Variants in SMAP1 observed in about 807,000 individuals in gnomAD.
SMAP1 encodes the protein stromal membrane-associated protein 1.
In SMAP1, 24 loss-of-function variants were observed where a neutral mutation model predicts 58.5. The ratio of observed to expected loss-of-function variants is 0.41; its 90% confidence interval spans 0.30 to 0.58. The LOEUF (loss-of-function observed/expected upper bound fraction) is 0.58, where lower values mean the gene tolerates loss of function less well. SMAP1 is among the 20% of genes least tolerant of loss of function. SMAP1 has a pLI of 0.29. For synonymous variants in SMAP1, 216 were observed against 196.6 expected (o/e 1.10, Z -0.82); for missense variants, 563 against 566.3 (o/e 0.99, Z 0.06).
chr6:70,682,523 T>C (rs1233513523), intron 1 of SMAP1, among the ~76,000 whole-genome samples: 3 of 152,202 alleles, frequency 2.0e-5, no homozygotes, highest in Non-Finnish European at 4.4e-5. Context: ...GTAAATGTTT[T>C]AAAATAATTT....
chr6:70,742,004 A>T (rs927027467), intron 2 of SMAP1, among the ~76,000 whole-genome samples: 3 of 152,212 alleles, frequency 2.0e-5, no homozygotes. Flanking sequence ...TAGGCTGCAC[A>T]CAGCAGGGGG....
intron 4 of SMAP1, among the ~76,000 whole-genome samples, chr6:70,773,800 T>C (rs1331445332): frequency 6.6e-6 from 1 of 152,144 alleles, no homozygotes; most frequent in Non-Finnish European, 1.5e-5. Context: ...GGTTGGTCCA[T>C]TGAGAAATGA....
At chr6:70,856,691 T>A in intron 8 of SMAP1, 168 bp from the exon 9 acceptor site, 1 of 558,644 alleles carries the variant, frequency 1.8e-6, no homozygotes, top group Non-Finnish European at 3.0e-6. Context: ...ATTGTAGATG[T>A]TTTTATATGG....
rs1225337694 is a variant in SMAP1, at chr6:70,861,620, T to C, written c.*1286T>C. On this transcript the variant is annotated 3_prime_UTR_variant, in exon 11 of 11. Coordinates refer to ENST00000370455, the MANE Select transcript of SMAP1 (RefSeq NM_001044305.3). ...TAAACTCCAAACATCCTCTTCCATA[T>C]GGATCCACTGGCTGGACAAACTGCA... is the stretch of plus-strand genomic sequence containing the variant. The C allele has an allele frequency of 1.3e-6, 2 of 1,563,586 alleles. No homozygotes were observed. Among genetic ancestry groups the C allele is most frequent in the East Asian group, 2.2e-5 (1 of 44,554 alleles).
At chr6:70,827,724 G>A (rs147495832) in intron 6 of SMAP1, among the ~76,000 whole-genome samples, 1 of 152,240 alleles carries the variant, frequency 6.6e-6, no homozygotes, top group African/African-American at 2.4e-5. Context: ...AGGCTGCTCC[G>A]ACTTCTGCAA....
intron 6 of SMAP1, among the ~76,000 whole-genome samples, chr6:70,808,706 G>T (rs111902037): frequency 2.0e-5 from 3 of 152,242 alleles, no homozygotes; most frequent in African/African-American, 7.2e-5. Context: ...TCATCTAACA[G>T]TATCCTTAAA....
intron 7 of SMAP1, among the ~76,000 whole-genome samples, chr6:70,843,781 A>T (rs1770887255): frequency 6.6e-6 from 1 of 152,046 alleles, no homozygotes; most frequent in African/African-American, 2.4e-5. Flanking sequence ...GGAAATAGGA[A>T]CTCTTCTGTA....
chr6:70,739,549 T>C (rs899912799), intron 2 of SMAP1, among the ~76,000 whole-genome samples: 3 of 152,174 alleles, frequency 2.0e-5, no homozygotes, highest in Non-Finnish European at 4.4e-5. Flanking sequence ...AGTGAGTTTC[T>C]TTTAGACCAA....
At chr6:70,749,612 C>A (rs985468098) in intron 2 of SMAP1, among the ~76,000 whole-genome samples, 22 of 150,156 alleles carry the variant, frequency 1.5e-4, no homozygotes, top group African/African-American at 4.9e-5. Flanking sequence ...AAAAAAACAA[C>A]AACCAGTAAA....
chr6:70,771,684 C>T (rs1167080956), intron 3 of SMAP1, among the ~76,000 whole-genome samples: 1 of 152,154 alleles, frequency 6.6e-6, no homozygotes, highest in Admixed American at 6.5e-5. Flanking sequence ...AAAGGGAACT[C>T]CCTGTCCCTT....
chr6:70,771,367 AGG>A (rs144283794), intron 3 of SMAP1, among the ~76,000 whole-genome samples: 25,146 of 152,136 alleles, frequency 0.17, 3,222 homozygotes, highest in East Asian at 0.55. Flanking sequence ...GAGCCTACAG[AGG>A]CCGGCAGGCC....
At chr6:70,787,350 A>G (rs1271565556) in intron 4 of SMAP1, among the ~76,000 whole-genome samples, 1 of 152,244 alleles carries the variant, frequency 6.6e-6, no homozygotes. Context: ...AAAGCCCTAG[A>G]AGAAAACCTA....
intron 1 of SMAP1, among the ~76,000 whole-genome samples, chr6:70,704,777 T>C (rs1767770326): frequency 1.3e-5 from 2 of 152,220 alleles, no homozygotes; most frequent in Admixed American, 1.3e-4. Flanking sequence ...AAGAAAGTAG[T>C]TGGACTCTGC....
Position 70,667,957 on chromosome 6 carries a change from T to G in SMAP1, c.-67T>G, listed in dbSNP as rs1766093711. The G allele has an allele frequency of 2.8e-6, 4 of 1,419,340 alleles. No individual in the cohort carries two copies. Among genetic ancestry groups the G allele is most frequent in the Non-Finnish European group, 2.9e-6 (3 of 1,045,870 alleles). The allele number at this position is 1,419,340 out of a possible 1,614,324, so 87.9% of individuals were successfully genotyped here. On this transcript the variant is annotated 5_prime_UTR_variant, in exon 1 of 11. Coordinates refer to ENST00000370455, the MANE Select transcript of SMAP1 (RefSeq NM_001044305.3). ...TCCCGGCGGCGCCAGGTGCGTTCAC[T>G]CTGCCCGGCTCCAGCCAGCGTCCGC...
chr6:70,747,978 G>A (rs992795753), intron 2 of SMAP1, among the ~76,000 whole-genome samples: 1 of 152,024 alleles, frequency 6.6e-6, no homozygotes, highest in Non-Finnish European at 1.5e-5. Flanking sequence ...TTAAAACAGA[G>A]AACAGCTTCC....
chr6:70,685,916 AT>A (rs916533928), intron 1 of SMAP1, among the ~76,000 whole-genome samples: 2 of 151,820 alleles, frequency 1.3e-5, no homozygotes, highest in Non-Finnish European at 2.9e-5. Flanking sequence ...ATTTTATTTT[AT>A]TTTTTTAACA....
chr6:70,831,803 A>G (rs956122877), intron 6 of SMAP1, among the ~76,000 whole-genome samples: 18 of 152,210 alleles, frequency 1.2e-4, no homozygotes, highest in African/African-American at 4.3e-4. Flanking sequence ...TTGTTGGGTC[A>G]AATGGTAATT....
chr6:70,718,649 G>T (rs748291411), intron 1 of SMAP1, among the ~76,000 whole-genome samples: 2 of 151,764 alleles, frequency 1.3e-5, no homozygotes, highest in African/African-American at 4.8e-5. Context: ...ATCCAATCCC[G>T]TCTCTGCTAA....
At chr6:70,772,027 G>A (rs969046684) in intron 3 of SMAP1, among the ~76,000 whole-genome samples, 11 of 152,132 alleles carry the variant, frequency 7.2e-5, no homozygotes, top group Non-Finnish European at 1.3e-4. Context: ...ATTGCAGGGT[G>A]CACTTACATA....
Sources: allele counts gnomAD v4.1 joint callset (sites outside exome capture counted in the v4.1 genomes callset), GRCh38; gene constraint gnomAD v4.1.1; transcripts MANE v1.5; gene names NCBI Gene and HGNC (gene_info 2026-07-23, HGNC 2026-07-21).